Variants in FRMPD4 observed in about 807,000 individuals in gnomAD.
FRMPD4 encodes the protein FERM and PDZ domain containing 4.
In FRMPD4, 22 loss-of-function variants were observed where a neutral mutation model predicts 94.1. That is an observed-to-expected ratio of 0.23 (90% CI 0.17 to 0.33). The LOEUF (loss-of-function observed/expected upper bound fraction) is 0.33, where lower values mean the gene tolerates loss of function less well. FRMPD4 is among the 10% of genes least tolerant of loss of function. The pLI is 1.00. For synonymous variants in FRMPD4, 631 were observed against 548.6 expected (o/e 1.15, Z -2.10); for missense variants, 1,111 against 1,339.9 (o/e 0.83, Z 2.67).
intron 3 of FRMPD4, among the ~76,000 whole-genome samples, chrX:12,099,083 G>A (rs2055232516): frequency 1.4e-5 from 1 of 71,763 alleles, no homozygotes; most frequent in Non-Finnish European, 2.6e-5. Context: ...GGAGGGGGGA[G>A]GGGGGAGGGA....
intron 3 of FRMPD4, among the ~76,000 whole-genome samples, chrX:12,058,312 G>A (rs2054866076): frequency 9.0e-6 from 1 of 111,660 alleles, no homozygotes; most frequent in East Asian, 2.8e-4. Flanking sequence ...CCGGACATGA[G>A]GCAGATAGGG....
chrX:11,975,632 A>G (rs749870701), intron 3 of FRMPD4, among the ~76,000 whole-genome samples: 79 of 112,061 alleles, frequency 7.0e-4, no homozygotes, highest in African/African-American at 2.4e-3. Context: ...GAAAATACTA[A>G]TTCTATTTCT....
At chrX:12,516,838 T>C (rs959030721) in intron 2 of FRMPD4, among the ~76,000 whole-genome samples, 1 of 110,530 alleles carries the variant, frequency 9.0e-6, no homozygotes, top group African/African-American at 3.3e-5. Flanking sequence ...CAATCAGTCA[T>C]AGGTTCAGTC....
At chrX:12,498,839 T>G in intron 2 of FRMPD4, 43 bp downstream of exon 2, 16 of 659,000 alleles carry the variant, frequency 2.4e-5, no homozygotes, top group Non-Finnish European at 3.6e-5. Context: ...CCTTGGCCAA[T>G]GGACTTCTTT....
intron 1 of FRMPD4, among the ~76,000 whole-genome samples, chrX:12,347,560 A>C (rs1050584411): frequency 2.7e-5 from 3 of 112,158 alleles, no homozygotes; most frequent in Non-Finnish European, 5.6e-5. Context: ...GTACCTTATA[A>C]TATTGATATA....
intron 3 of FRMPD4, among the ~76,000 whole-genome samples, chrX:11,932,143 T>G (rs1308798002): frequency 2.7e-5 from 3 of 111,907 alleles, no homozygotes; most frequent in East Asian, 5.6e-4. Flanking sequence ...TCCCTTGCCG[T>G]TTAGGTGGGA....
At chrX:12,285,862 C>T (rs1305848442) in intron 1 of FRMPD4, among the ~76,000 whole-genome samples, 4 of 111,853 alleles carry the variant, frequency 3.6e-5, no homozygotes, top group African/African-American at 9.8e-5. Flanking sequence ...CTCACAAAAG[C>T]CCTCATATGT....
intron 1 of FRMPD4, among the ~76,000 whole-genome samples, chrX:12,349,351 A>T (rs745697691): frequency 1.8e-5 from 2 of 110,953 alleles, no homozygotes; most frequent in African/African-American, 6.6e-5. Context: ...AAAGAATCCT[A>T]TAAGTCCCGA....
At chrX:11,960,470 C>A (rs1057453275) in intron 3 of FRMPD4, among the ~76,000 whole-genome samples, 5 of 111,891 alleles carry the variant, frequency 4.5e-5, no homozygotes, top group Non-Finnish European at 9.4e-5. Context: ...ATGTTGAAAT[C>A]ATTGTCAGTT....
At chrX:12,510,034 C>T (rs890311407) in intron 2 of FRMPD4, among the ~76,000 whole-genome samples, 1 of 112,008 alleles carries the variant, frequency 8.9e-6, no homozygotes, top group African/African-American at 3.3e-5. Flanking sequence ...GTGGGCCTCA[C>T]TTTTCTCATT....
intron 10 of FRMPD4, among the ~76,000 whole-genome samples, chrX:12,702,534 C>T (rs1191990210): frequency 5.4e-5 from 6 of 112,088 alleles, no homozygotes; most frequent in African/African-American, 1.6e-4. Context: ...GACCTCCCCC[C>T]ACACCCTGCT....
chrX:11,875,946 G>T (rs1054900706), intron 2 of FRMPD4, among the ~76,000 whole-genome samples: 1 of 100,817 alleles, frequency 9.9e-6, no homozygotes, highest in African/African-American at 3.7e-5. Context: ...CGCGATCTCG[G>T]CTCACTGCAA....
Position 12,614,743 on chromosome X carries a change from G to C in FRMPD4, c.320-36G>C, listed in dbSNP as rs1357237384. 4.1e-6 allele frequency: 3 copies of C among 734,175 alleles called. No homozygotes were observed. The East Asian group carries it at 9.7e-5, about 24-fold the overall frequency. 60.5% of individuals were successfully genotyped at this position (734,175 alleles called of 1,213,427 possible). On this transcript the variant is annotated intron_variant, in intron 3 of 16. Transcript: ENST00000675598. ...GGAGGCTTGGGATAGGTTGCTAATGGTCTTCTCACCTGTGCTTCATTCTAT... is the reference window on the plus strand; with the variant it reads ...GGAGGCTTGGGATAGGTTGCTAATGCTCTTCTCACCTGTGCTTCATTCTAT...
At chrX:11,952,011 A>G in intron 3 of FRMPD4, among the ~76,000 whole-genome samples, 2 of 112,434 alleles carry the variant, frequency 1.8e-5, no homozygotes. Context: ...ACTCCAGCCT[A>G]GGTGACAGAG....
chrX:12,059,634 G>A (rs2054873951), intron 3 of FRMPD4, among the ~76,000 whole-genome samples: 1 of 107,277 alleles, frequency 9.3e-6, no homozygotes, highest in Non-Finnish European at 1.9e-5. Context: ...CCCCATAGTA[G>A]TCCCCAGTGT....
intron 3 of FRMPD4, among the ~76,000 whole-genome samples, chrX:11,926,265 A>AC (rs1209255888): frequency 4.0e-4 from 36 of 90,558 alleles, no homozygotes; most frequent in Admixed American, 6.3e-4. Context: ...AACCAAAAAA[A>AC]AAAAAAAAAA....
chrX:11,871,775 A>G (rs933651036), intron 2 of FRMPD4, among the ~76,000 whole-genome samples: 1 of 111,977 alleles, frequency 8.9e-6, no homozygotes, highest in East Asian at 2.8e-4. Context: ...AAGCTGGATC[A>G]AGAACCCAAG....
chrX:12,288,842 T>C (rs1481317152), intron 1 of FRMPD4, among the ~76,000 whole-genome samples: 3 of 112,014 alleles, frequency 2.7e-5, no homozygotes, highest in African/African-American at 9.7e-5. Context: ...TTTGATAATT[T>C]GTTGTATGAT....
intron 1 of FRMPD4, among the ~76,000 whole-genome samples, chrX:12,276,994 G>A (rs914860989): frequency 2.5e-4 from 26 of 104,654 alleles, no homozygotes; most frequent in African/African-American, 8.0e-4. Flanking sequence ...AGTGGCGGGC[G>A]CCTGTAGTCC....
Sources: allele counts gnomAD v4.1 joint callset (sites outside exome capture counted in the v4.1 genomes callset), GRCh38; gene constraint gnomAD v4.1.1; transcripts MANE v1.5; gene names NCBI Gene and HGNC (gene_info 2026-07-23, HGNC 2026-07-21).